Variants in ZNF385B observed in about 807,000 individuals in gnomAD.
ZNF385B encodes the protein zinc finger protein 385B.
In ZNF385B, 23 loss-of-function variants were observed where a neutral mutation model predicts 39.2. The ratio of observed to expected loss-of-function variants is 0.59; its 90% confidence interval spans 0.42 to 0.83. The LOEUF (loss-of-function observed/expected upper bound fraction) is 0.83. ZNF385B is among the 40% of genes least tolerant of loss of function. The pLI is 0.00. For missense variants in ZNF385B, 552 were observed against 598.9 expected (o/e 0.92, Z 0.82); for synonymous variants, 205 against 222.6 (o/e 0.92, Z 0.70).
chr2:179,570,862 C>T (rs17817196), intron 3 of ZNF385B, among the ~76,000 whole-genome samples: 2,101 of 152,162 alleles, frequency 0.014, 16 homozygotes, highest in Middle Eastern at 0.024. Flanking sequence ...GTGATTCAAA[C>T]GGATTAAAAA....
intron 6 of ZNF385B, among the ~76,000 whole-genome samples, chr2:179,454,000 A>G (rs548488400): frequency 6.6e-6 from 1 of 152,340 alleles, no homozygotes; most frequent in African/African-American, 2.4e-5. Flanking sequence ...GGAAAGCGCA[A>G]GAATCAGAAA....
At position 179,727,582 on chromosome 2, in the gene ZNF385B, A is replaced by T. The variant is rs1701102504; in HGVS notation, c.298+41921T>A. Among the ~76,000 whole-genome samples the T allele has an allele frequency of 2.0e-5, 3 of 152,112 alleles. No homozygotes were observed. In the South Asian group the frequency reaches 6.2e-4, roughly 32 times the overall value. On this transcript the variant is annotated intron_variant, in intron 3 of 9. Coordinates refer to ENST00000410066, the MANE Select transcript of ZNF385B (RefSeq NM_152520.6). ...ATAATCTACTTAAGTAGACCATAGCAGTGTAGCCATTCTGCTTAGATATAT... is the reference window on the plus strand; with the variant it reads ...ATAATCTACTTAAGTAGACCATAGCTGTGTAGCCATTCTGCTTAGATATAT...
intron 3 of ZNF385B, among the ~76,000 whole-genome samples, chr2:179,615,430 A>G (rs1689652577): frequency 6.6e-6 from 1 of 152,220 alleles, no homozygotes; most frequent in Admixed American, 6.5e-5. Context: ...GACCTAACAA[A>G]TCAGAAACTC....
chr2:179,679,053 C>A (rs1515286), intron 3 of ZNF385B, among the ~76,000 whole-genome samples: 57,950 of 151,862 alleles, frequency 0.38, 11,962 homozygotes, highest in East Asian at 0.57. Context: ...CAGTGTTAGA[C>A]GCTCATGTAA....
intron 3 of ZNF385B, among the ~76,000 whole-genome samples, chr2:179,727,975 T>C (rs1701127390): frequency 6.6e-6 from 1 of 152,088 alleles, no homozygotes; most frequent in Admixed American, 6.6e-5. Context: ...ACAAACAATA[T>C]GGGCACTTCA....
At chr2:179,781,480 C>G (rs191756124) in intron 1 of ZNF385B, among the ~76,000 whole-genome samples, 2 of 152,186 alleles carry the variant, frequency 1.3e-5, no homozygotes, top group Admixed American at 1.3e-4. Flanking sequence ...TGATCTTTAC[C>G]TTCACTGTAT....
intron 3 of ZNF385B, among the ~76,000 whole-genome samples, chr2:179,654,395 C>T (rs534516259): frequency 3.9e-5 from 6 of 152,236 alleles, no homozygotes; most frequent in South Asian, 2.1e-4. Context: ...CTACCCCCTT[C>T]GAGTGCAGGA....
At chr2:179,560,764 G>A (rs2061281270) in intron 3 of ZNF385B, among the ~76,000 whole-genome samples, 1 of 152,052 alleles carries the variant, frequency 6.6e-6, no homozygotes, top group South Asian at 2.1e-4. Flanking sequence ...AATACTTCCA[G>A]GGAACTAGAA....
At chr2:179,756,369 C>T (rs1052621929) in intron 3 of ZNF385B, among the ~76,000 whole-genome samples, 19 of 152,166 alleles carry the variant, frequency 1.2e-4, no homozygotes, top group Non-Finnish European at 2.4e-4. Context: ...TGATGGGCTT[C>T]CTTTGTGGGT....
At chr2:179,836,476 C>G (rs1708250621) in intron 1 of ZNF385B, among the ~76,000 whole-genome samples, 1 of 149,284 alleles carries the variant, frequency 6.7e-6, no homozygotes, top group East Asian at 1.9e-4. Context: ...TTGTAAAAAA[C>G]TATTTCAAGA....
intron 1 of ZNF385B, among the ~76,000 whole-genome samples, chr2:179,818,639 C>T (rs1393110455): frequency 6.6e-6 from 1 of 152,192 alleles, no homozygotes; most frequent in Non-Finnish European, 1.5e-5. Context: ...CCACGAAGCA[C>T]TGACACGGTA....
At chr2:179,747,428 C>T (rs17824948) in intron 3 of ZNF385B, among the ~76,000 whole-genome samples, 14,002 of 152,122 alleles carry the variant, frequency 0.092, 721 homozygotes, top group Non-Finnish European at 0.11. Context: ...CTATTTGTCA[C>T]CTGAAGCCCC....
chr2:179,542,292 G>A (rs943334420), intron 4 of ZNF385B, among the ~76,000 whole-genome samples: 1 of 152,094 alleles, frequency 6.6e-6, no homozygotes, highest in African/African-American at 2.4e-5. Flanking sequence ...GTGCCACTTG[G>A]AATGACTTAA....
intron 6 of ZNF385B, among the ~76,000 whole-genome samples, chr2:179,464,165 G>A (rs2051699182): frequency 6.6e-6 from 1 of 152,158 alleles, no homozygotes; most frequent in South Asian, 2.1e-4. Context: ...AGAAGTGTCT[G>A]TTCATATCCT....
At chr2:179,749,263 A>G (rs1702542887) in intron 3 of ZNF385B, among the ~76,000 whole-genome samples, 1 of 152,094 alleles carries the variant, frequency 6.6e-6, no homozygotes, top group Non-Finnish European at 1.5e-5. Flanking sequence ...CAGTCTCTGG[A>G]TTGCAGTGCA....
intron 3 of ZNF385B, among the ~76,000 whole-genome samples, chr2:179,768,016 C>A (rs1395171923): frequency 6.6e-6 from 1 of 150,874 alleles, no homozygotes; most frequent in African/African-American, 2.4e-5. Context: ...GTGGCGTGAT[C>A]TCAGCTCAAT....
chr2:179,592,955 G>A (rs115151764), intron 3 of ZNF385B, among the ~76,000 whole-genome samples: 248 of 151,986 alleles, frequency 1.6e-3, no homozygotes, highest in African/African-American at 5.7e-3. Context: ...CAACCTACTT[G>A]GGGATTCTAA....
In ZNF385B at chr2:179,773,134, T is replaced by C. The variant is rs926499253; in HGVS notation, c.-154-2462A>G. On this transcript the variant is annotated intron_variant, in intron 1 of 9. Transcript: ENST00000410066. Reference sequence around the variant, plus strand: ...CAATGTTACAACTTTCCCTAGGATTTTCCCTGACCTGCATTGTTATCCAAT... The same window carrying C: ...CAATGTTACAACTTTCCCTAGGATTCTCCCTGACCTGCATTGTTATCCAAT... Among the ~76,000 whole-genome samples, 6 of 152,302 alleles carry C rather than the reference T, an allele frequency of 3.9e-5. No homozygotes were observed. The South Asian group carries it at 8.3e-4, about 21-fold the overall frequency.
chr2:179,576,618 T>C (rs1411249675), intron 3 of ZNF385B, among the ~76,000 whole-genome samples: 1 of 152,330 alleles, frequency 6.6e-6, no homozygotes, highest in South Asian at 2.1e-4. Flanking sequence ...ACTGTGAGCA[T>C]CTTTCTATAA....
Sources: allele counts gnomAD v4.1 joint callset (sites outside exome capture counted in the v4.1 genomes callset), GRCh38; gene constraint gnomAD v4.1.1; transcripts MANE v1.5; gene names NCBI Gene and HGNC (gene_info 2026-07-23, HGNC 2026-07-21).